RER1: variants seen among roughly 807,000 people sequenced by gnomAD.
The protein encoded by RER1 is protein RER1.
In RER1, 6 loss-of-function variants were observed where a neutral mutation model predicts 28.3. The ratio of observed to expected loss-of-function variants is 0.21; its 90% confidence interval spans 0.12 to 0.42. The LOEUF is 0.42. RER1 is among the 10% of genes least tolerant of loss of function. The pLI is 1.00. For missense variants in RER1, 159 were observed against 252.9 expected (o/e 0.63, Z 2.52); for synonymous variants, 110 against 95.9 (o/e 1.15, Z -0.86).
chr1:2,399,222 A>G lies in RER1; in HGVS notation c.187-193A>G, dbSNP rs113214600. 4.6e-3 allele frequency among the ~76,000 whole-genome samples: 706 copies of G among 152,358 alleles called. 2 individuals carry two copies. Among genetic ancestry groups the G allele is most frequent in the African/African-American group, 0.016 (660 of 41,574 alleles). On this transcript the variant is annotated intron_variant, in intron 3 of 6. Transcript: ENST00000605895. Reference sequence around the variant, plus strand: ...TTGTCCGCTTTGTCTCTGTTCCCACAGAGTATAATTTGAGATAAATTGTTA... The same window carrying G: ...TTGTCCGCTTTGTCTCTGTTCCCACGGAGTATAATTTGAGATAAATTGTTA...
chr1:2,399,895 G>T (rs972294858), intron 4 of RER1, among the ~76,000 whole-genome samples: 1 of 152,198 alleles, frequency 6.6e-6, no homozygotes, highest in Non-Finnish European at 1.5e-5. Context: ...ACCTTTTCCC[G>T]TAGCCAGAGG....
chr1:2,401,021 C>T (rs1174220356), intron 5 of RER1, 86 bp downstream of exon 5: 17 of 1,168,634 alleles, frequency 1.5e-5, no homozygotes, highest in East Asian at 9.4e-5. Context: ...TTCAAGTCAC[C>T]TGAAAGATGA....
intron 1 of RER1, chr1:2,395,375 G>A (rs561986932): frequency 8.3e-6 from 2 of 241,962 alleles, no homozygotes; most frequent in African/African-American, 2.2e-5. Flanking sequence ...AGCAGACAAG[G>A]TGCCTGGGCG....
chr1:2,400,911 G>A lies in RER1; in HGVS notation c.341G>A (p.Arg114Gln). 6.2e-7 allele frequency: 1 copy of A among 1,614,028 alleles called. No individual in the cohort carries two copies. Among genetic ancestry groups the A allele is most frequent in the Non-Finnish European group, 8.5e-7 (1 of 1,179,920 alleles). Residue 114 changes from arginine (R) to glutamine (Q), a missense_variant, in exon 5 of 7, where the codon CGA becomes CAA. Arg to Gln is a conservative substitution (Grantham distance 43). Transcript: ENST00000605895. Reference sequence around the variant, plus strand: ...AACGAGGAATTCCGCCCCTTCATTCGAAGGCTCCCAGAGTTTAAATTTTGG... The same window carrying A: ...AACGAGGAATTCCGCCCCTTCATTCAAAGGCTCCCAGAGTTTAAATTTTGG... Reference protein sequence around the residue: ...KQNEEFRPFIRRLPEFKFWHA... With the variant: ...KQNEEFRPFIQRLPEFKFWHA...
At chr1:2,402,932 A>T in intron 6 of RER1, 103 bp from the exon 7 acceptor site, 6 of 890,614 alleles carry the variant, frequency 6.7e-6, no homozygotes, top group Non-Finnish European at 9.1e-6. Context: ...CACTTGTCTG[A>T]TGTATAGAAA....
chr1:2,403,173 T>C lies in RER1; in HGVS notation c.*49T>C, dbSNP rs1306177224. On this transcript the variant is annotated 3_prime_UTR_variant, in exon 7 of 7. Coordinates refer to ENST00000605895, the MANE Select transcript of RER1 (RefSeq NM_007033.5). Reference sequence around the variant, plus strand: ...GTGTTGCAAGAACAGTTTTGAGCCATTGTTAACAATGCCTTTTTTCTTCAC... The same window carrying C: ...GTGTTGCAAGAACAGTTTTGAGCCACTGTTAACAATGCCTTTTTTCTTCAC... 2.1e-6 allele frequency: 3 copies of C among 1,415,784 alleles called. No homozygotes were observed. The highest frequency in any genetic ancestry group is 3.0e-6 in the Non-Finnish European group (3 of 1,000,762). The allele number at this position is 1,415,784 out of a possible 1,614,324, so 87.7% of individuals were successfully genotyped here. A position where few individuals can be genotyped will look rare whatever the true frequency, so the allele number is the denominator to read the frequency against.
At position 2,403,875 on chromosome 1, in the gene RER1, A is replaced by T. The variant is rs890384461; in HGVS notation, c.*751A>T. 6.6e-6 allele frequency: 1 copy of T among 152,470 alleles called. No homozygotes were observed. The highest frequency in any genetic ancestry group is 1.5e-5 in the Non-Finnish European group (1 of 68,052). 9.4% of individuals were successfully genotyped at this position (152,470 alleles called of 1,614,324 possible). A position where few individuals can be genotyped will look rare whatever the true frequency, so the allele number is the denominator to read the frequency against. ...CTGGCAGGGAGCAGACTGGCTTTGT[A>T]GGTTCAGCACTCGGCCCCCCACTGC... On this transcript the variant is annotated 3_prime_UTR_variant, in exon 7 of 7. Transcript: ENST00000605895.
At chr1:2,392,512 A>T (rs1488873976) in intron 1 of RER1, among the ~76,000 whole-genome samples, 1 of 152,226 alleles carries the variant, frequency 6.6e-6, no homozygotes, top group Non-Finnish European at 1.5e-5. Context: ...AGGCTGACTT[A>T]GTACTGGTCT....
chr1:2,394,864 A>G (rs553792413), intron 1 of RER1: 1 of 152,370 alleles, frequency 6.6e-6, no homozygotes, highest in Admixed American at 6.5e-5. Context: ...GAGGCCTCTC[A>G]TCTTTAAAGT....
intron 5 of RER1, 32 bp downstream of exon 5, chr1:2,400,967 A>G (rs1218442627): frequency 4.5e-6 from 7 of 1,560,964 alleles, no homozygotes; most frequent in Non-Finnish European, 6.2e-6. Context: ...TTTGAAGAGA[A>G]TTGTGCTCAA....
intron 4 of RER1, among the ~76,000 whole-genome samples, chr1:2,399,748 C>T (rs531242660): frequency 6.6e-6 from 1 of 152,322 alleles, no homozygotes; most frequent in Non-Finnish European, 1.5e-5. Flanking sequence ...CTGAGGCATA[C>T]AGGGTTAGGT....
At position 2,392,315 on chromosome 1, in the gene RER1, A is replaced by C. The variant is rs537215720; in HGVS notation, c.-8+357A>C. Among the ~76,000 whole-genome samples the C allele has an allele frequency of 3.3e-5, 5 of 152,264 alleles. No homozygotes were observed. The South Asian group carries it at 1.0e-3, about 32-fold the overall frequency. The stretch of plus-strand genomic sequence containing the variant: ...GGGGAAGCGGGCAGTCGCGGCCCCC[A>C]CAGCGCTGCGAGTTGGGCTGTATTC... On this transcript the variant is annotated intron_variant, in intron 1 of 6. Coordinates refer to ENST00000605895, the MANE Select transcript of RER1 (RefSeq NM_007033.5).
intron 1 of RER1, 103 bp from the exon 2 acceptor site, chr1:2,395,681 T>C: frequency 1.2e-6 from 1 of 820,864 alleles, no homozygotes; most frequent in Admixed American, 2.0e-5. Flanking sequence ...GACAAAATAC[T>C]GAATGTGGAA....
intron 6 of RER1, among the ~76,000 whole-genome samples, chr1:2,402,615 C>T (rs1455429163): frequency 3.3e-5 from 5 of 152,188 alleles, no homozygotes; most frequent in East Asian, 1.9e-4. Flanking sequence ...TGCAGTGTCC[C>T]GGTGGCTCCT....
At chr1:2,401,814 C>T (rs571453811) in intron 5 of RER1, 31 of 519,324 alleles carry the variant, frequency 6.0e-5, no homozygotes, top group Non-Finnish European at 8.5e-5. Context: ...TGTGCTGGGA[C>T]GGGAGGGAGC....
intron 2 of RER1, 59 bp downstream of exon 2, chr1:2,395,930 C>A: frequency 1.5e-6 from 2 of 1,294,596 alleles, no homozygotes; most frequent in Non-Finnish European, 2.2e-6. Context: ...GGACTCCCAG[C>A]ATTTTCGGGA....
chr1:2,393,109 C>T (rs1196163236), intron 1 of RER1: 1 of 4,896 alleles, frequency 2.0e-4, no homozygotes, highest in African/African-American at 9.7e-4. Context: ...TGTGACGGGC[C>T]TGGAACAAGG....
chr1:2,404,986 AG>A lies in RER1; in HGVS notation c.*1864del, dbSNP rs1642949303. The A allele has an allele frequency of 6.5e-6, 1 of 154,576 alleles. No individual in the cohort carries two copies. The highest frequency in any genetic ancestry group is 2.4e-5 in the African/African-American group (1 of 41,478). 9.6% of individuals were successfully genotyped at this position (154,576 alleles called of 1,614,324 possible). A position where few individuals can be genotyped will look rare whatever the true frequency, so the allele number is the denominator to read the frequency against. ...TGGGTCAGCAGGTCGCCTGCCCAGC[AG>A]GCCCCCCAGGAGAGGGCTCGGGCGC... On this transcript the variant is annotated 3_prime_UTR_variant, in exon 7 of 7. Transcript: ENST00000605895.
chr1:2,398,796 A>G (rs1432937719), intron 3 of RER1, among the ~76,000 whole-genome samples: 1 of 152,268 alleles, frequency 6.6e-6, no homozygotes, highest in Non-Finnish European at 1.5e-5. Context: ...GCACTCAGGC[A>G]TCTTGCCAAA....
Sources: allele counts gnomAD v4.1 joint callset (sites outside exome capture counted in the v4.1 genomes callset), GRCh38; gene constraint gnomAD v4.1.1; transcripts MANE v1.5; gene names NCBI Gene and HGNC (gene_info 2026-07-23, HGNC 2026-07-21).